Variants in KCNH7 observed in about 807,000 individuals in gnomAD.
KCNH7 encodes the protein potassium voltage-gated channel subfamily H member 7, also known as voltage-gated inwardly rectifying potassium channel KCNH7.
A neutral mutation model predicts 120.8 loss-of-function variants in KCNH7; 49 were observed. That is an observed-to-expected ratio of 0.41 (90% confidence interval 0.32 to 0.51). The LOEUF (loss-of-function observed/expected upper bound fraction) is 0.51. KCNH7 is among the 20% of genes least tolerant of loss of function. KCNH7 has a pLI of 0.38. For missense variants in KCNH7, 1,097 were observed against 1,446.6 expected (o/e 0.76, Z 3.92); for synonymous variants, 547 against 516.1 (o/e 1.06, Z -0.81).
chr2:162,569,010 C>G (rs913913089), intron 2 of KCNH7, among the ~76,000 whole-genome samples: 2 of 152,018 alleles, frequency 1.3e-5, no homozygotes, highest in African/African-American at 4.8e-5. Context: ...TGTGTCTCTG[C>G]CCGGCTTTGG....
At chr2:162,778,582 G>T (rs1683347078) in intron 2 of KCNH7, among the ~76,000 whole-genome samples, 1 of 152,144 alleles carries the variant, frequency 6.6e-6, no homozygotes, top group Non-Finnish European at 1.5e-5. Context: ...GCACACGGTA[G>T]ATAAGCATTG....
At chr2:162,694,535 T>G (rs563422442) in intron 2 of KCNH7, among the ~76,000 whole-genome samples, 1 of 151,906 alleles carries the variant, frequency 6.6e-6, no homozygotes, top group Non-Finnish European at 1.5e-5. Flanking sequence ...TGGGCTCTTA[T>G]GATTCTTTAA....
chr2:162,701,960 T>C (rs563134541), intron 2 of KCNH7, among the ~76,000 whole-genome samples: 2 of 150,260 alleles, frequency 1.3e-5, no homozygotes, highest in Non-Finnish European at 3.0e-5. Context: ...TGAGCCAAGA[T>C]CACGCCACTA....
chr2:162,385,918 T>C (rs1369073902), intron 12 of KCNH7, among the ~76,000 whole-genome samples: 1 of 151,858 alleles, frequency 6.6e-6, no homozygotes, highest in African/African-American at 2.4e-5. Context: ...AAAGATTTTT[T>C]CCCTTTATTT....
At chr2:162,811,869 A>C (rs558654426) in intron 2 of KCNH7, among the ~76,000 whole-genome samples, 34 of 152,284 alleles carry the variant, frequency 2.2e-4, no homozygotes, top group Admixed American at 1.6e-3. Flanking sequence ...ACTCTTCTGA[A>C]CAAAGTGGAT....
intron 6 of KCNH7, among the ~76,000 whole-genome samples, chr2:162,456,443 G>A (rs899832791): frequency 2.0e-5 from 3 of 152,016 alleles, no homozygotes; most frequent in African/African-American, 7.2e-5. Flanking sequence ...GTCGATTTTA[G>A]AATAAGTGTC....
chr2:162,803,592 A>C (rs1336374313), intron 2 of KCNH7, among the ~76,000 whole-genome samples: 2 of 151,670 alleles, frequency 1.3e-5, no homozygotes, highest in Non-Finnish European at 3.0e-5. Context: ...ATAGAACTTT[A>C]CTTTGTAAAA....
At chr2:162,707,720 GA>G (rs1244195860) in intron 2 of KCNH7, among the ~76,000 whole-genome samples, 4 of 152,034 alleles carry the variant, frequency 2.6e-5, no homozygotes, top group Non-Finnish European at 1.5e-5. Flanking sequence ...GCAAGGTAGG[GA>G]AGGATACAGT....
chr2:162,560,201 G>A (rs1015270949), intron 2 of KCNH7, among the ~76,000 whole-genome samples: 17 of 152,246 alleles, frequency 1.1e-4, no homozygotes, highest in African/African-American at 2.9e-4. Context: ...TTTATTAACC[G>A]AGGAAACAAG....
At position 162,453,739 on chromosome 2, in the gene KCNH7, T is replaced by C. The variant is rs141069834; in HGVS notation, c.1129-7296A>G. ...TGGTGAAGAGCTTTTTTTCATATGT[T>C]TCTTGGCCACATAAATGTGTTCTTT... On this transcript the variant is annotated intron_variant, in intron 6 of 15. Coordinates refer to ENST00000332142, the MANE Select transcript of KCNH7 (RefSeq NM_033272.4). 5.2e-3 allele frequency among the ~76,000 whole-genome samples: 795 copies of C among 152,294 alleles called. 12 individuals are homozygous for C. Among genetic ancestry groups the C allele is most frequent in the Non-Finnish European group, 4.8e-3 (328 of 68,018 alleles).
At chr2:162,552,458 A>G (rs183165702) in intron 2 of KCNH7, among the ~76,000 whole-genome samples, 47 of 152,340 alleles carry the variant, frequency 3.1e-4, no homozygotes, top group Non-Finnish European at 5.9e-4. Context: ...AGCAATCACT[A>G]ACAGTATTTG....
chr2:162,813,101 G>C (rs112816818), intron 2 of KCNH7, among the ~76,000 whole-genome samples: 3 of 152,166 alleles, frequency 2.0e-5, no homozygotes, highest in African/African-American at 7.2e-5. Flanking sequence ...AAATATATTT[G>C]CATGTTCAAA....
intron 2 of KCNH7, among the ~76,000 whole-genome samples, chr2:162,591,987 G>A (rs775619054): frequency 6.6e-6 from 1 of 151,988 alleles, no homozygotes; most frequent in Non-Finnish European, 1.5e-5. Flanking sequence ...AAGTAATCAC[G>A]AAAGTCTCAT....
intron 6 of KCNH7, among the ~76,000 whole-genome samples, chr2:162,467,565 G>GTTCAGGCTAAACTAA (rs1169569575): frequency 6.6e-6 from 1 of 152,140 alleles, no homozygotes; most frequent in Non-Finnish European, 1.5e-5. Context: ...ACACCCTTTA[G>GTTCAGGCTAAACTAA]AAGCAGGTGC....
intron 2 of KCNH7, among the ~76,000 whole-genome samples, chr2:162,812,521 C>T (rs1026868110): frequency 1.3e-5 from 2 of 151,984 alleles, no homozygotes; most frequent in African/African-American, 4.8e-5. Flanking sequence ...TTAGAAAGGA[C>T]ATGAAGCCCC....
At chr2:162,467,513 C>T (rs13398374) in intron 6 of KCNH7, among the ~76,000 whole-genome samples, 11,287 of 152,100 alleles carry the variant, frequency 0.074, 1,327 homozygotes, top group African/African-American at 0.25. Flanking sequence ...CTGTACAAAC[C>T]GGGCTCTCTT....
chr2:162,432,324 C>T (rs1480983225), intron 8 of KCNH7, among the ~76,000 whole-genome samples: 3 of 151,942 alleles, frequency 2.0e-5, no homozygotes, highest in Non-Finnish European at 4.4e-5. Flanking sequence ...GCAGCCTAGA[C>T]TTGGACTGAA....
At chr2:162,742,445 A>G (rs1161379464) in intron 2 of KCNH7, among the ~76,000 whole-genome samples, 1 of 152,144 alleles carries the variant, frequency 6.6e-6, no homozygotes, top group Non-Finnish European at 1.5e-5. Flanking sequence ...TGATATAAAT[A>G]TATTTGGCAT....
intron 2 of KCNH7, among the ~76,000 whole-genome samples, chr2:162,570,920 C>T (rs185723109): frequency 0.023 from 3,485 of 152,158 alleles, 126 homozygotes; most frequent in East Asian, 0.18. Flanking sequence ...GTATCTATGA[C>T]AAACCCACAG....
Sources: allele counts gnomAD v4.1 joint callset (sites outside exome capture counted in the v4.1 genomes callset), GRCh38; gene constraint gnomAD v4.1.1; transcripts MANE v1.5; gene names NCBI Gene and HGNC (gene_info 2026-07-23, HGNC 2026-07-21).